RASGEF1C: variants seen among roughly 807,000 people sequenced by gnomAD.
RASGEF1C encodes the protein ras-GEF domain-containing family member 1C.
A neutral mutation model predicts 58.1 loss-of-function variants in RASGEF1C; 27 were observed. The observed-to-expected ratio is 0.46, with a 90% CI of 0.34 to 0.64. The LOEUF (loss-of-function observed/expected upper bound fraction) is 0.64. RASGEF1C is among the 30% of genes least tolerant of loss of function. RASGEF1C has a pLI of 0.01. For missense variants in RASGEF1C, 502 were observed against 605.1 expected (o/e 0.83, Z 1.79); for synonymous variants, 243 against 246.3 (o/e 0.99, Z 0.13).
rs1167212986 is a variant in RASGEF1C at position 180,101,472 on chromosome 5, G to A, written c.*29C>T. On this transcript the variant is annotated 3_prime_UTR_variant, in exon 14 of 14. Coordinates refer to ENST00000361132, the MANE Select transcript of RASGEF1C (RefSeq NM_175062.4). ...CTGTGGACGGCTTCTGCGGGCTCCA[G>A]CTCTTCCTCGTCCCTCAGCTCAGCG... 2 of 1,608,832 alleles carry A rather than the reference G, an allele frequency of 1.2e-6. No individual in the cohort carries two copies. Among genetic ancestry groups the A allele is most frequent in the Admixed American group, 1.7e-5 (1 of 59,976 alleles).
At chr5:180,182,177 C>A (rs924879650) in intron 1 of RASGEF1C, among the ~76,000 whole-genome samples, 3 of 125,924 alleles carry the variant, frequency 2.4e-5, no homozygotes, top group African/African-American at 9.9e-5. Flanking sequence ...TGAACTCCAG[C>A]CTGGGCAACA....
intron 10 of RASGEF1C, among the ~76,000 whole-genome samples, 196 bp downstream of exon 10, chr5:180,118,413 C>T (rs1025194224): frequency 2.0e-5 from 3 of 152,172 alleles, no homozygotes; most frequent in Non-Finnish European, 4.4e-5. Flanking sequence ...CACTTCCTGT[C>T]AGTCAGAGCT....
At chr5:180,114,398 CT>C in intron 11 of RASGEF1C, 47 bp downstream of exon 11, 2 of 1,584,546 alleles carry the variant, frequency 1.3e-6, no homozygotes, top group South Asian at 1.1e-5. Context: ...GCCCTGGGAA[CT>C]TTTCCCGGCC....
intron 12 of RASGEF1C, among the ~76,000 whole-genome samples, chr5:180,110,003 T>G (rs190186956): frequency 6.6e-6 from 1 of 152,336 alleles, no homozygotes; most frequent in Non-Finnish European, 1.5e-5. Context: ...TGTGTTGTTT[T>G]GAGCCACCAA....
intron 4 of RASGEF1C, among the ~76,000 whole-genome samples, chr5:180,131,560 C>T (rs1294812474): frequency 1.3e-5 from 2 of 152,316 alleles, no homozygotes; most frequent in East Asian, 3.9e-4. Context: ...CATCTCCTCT[C>T]CCTGGACCAC....
chr5:180,125,580 C>T (rs758995667), intron 6 of RASGEF1C, among the ~76,000 whole-genome samples: 1 of 152,036 alleles, frequency 6.6e-6, no homozygotes, highest in South Asian at 2.1e-4. Context: ...GTCGGGAGTT[C>T]GAGACCAGCC....
chr5:180,203,426 T>C (rs968120032), intron 1 of RASGEF1C, among the ~76,000 whole-genome samples: 1 of 150,756 alleles, frequency 6.6e-6, no homozygotes, highest in Non-Finnish European at 1.5e-5. Flanking sequence ...CAAGTTGAGG[T>C]TGGCCTCCAG....
intron 1 of RASGEF1C, among the ~76,000 whole-genome samples, chr5:180,174,606 GCA>G (rs1353316584): frequency 1.3e-5 from 1 of 75,558 alleles, no homozygotes; most frequent in Non-Finnish European, 2.9e-5. Flanking sequence ...GTGTGTGCAC[GCA>G]TGTGTGTGTC....
At chr5:180,190,360 G>A (rs1273015931) in intron 1 of RASGEF1C, among the ~76,000 whole-genome samples, 8 of 151,550 alleles carry the variant, frequency 5.3e-5, no homozygotes, top group African/African-American at 1.9e-4. Flanking sequence ...CGTGGTGGCG[G>A]GCGCCTGTAG....
chr5:180,111,879 G>T (rs879136277), intron 11 of RASGEF1C, among the ~76,000 whole-genome samples: 5 of 152,214 alleles, frequency 3.3e-5, no homozygotes, highest in Admixed American at 2.6e-4. Context: ...GTATATTTAA[G>T]TAAGACTTAA....
At chr5:180,125,553 C>T (rs546948191) in intron 6 of RASGEF1C, among the ~76,000 whole-genome samples, 99 of 152,252 alleles carry the variant, frequency 6.5e-4, no homozygotes, top group African/African-American at 2.2e-3. Context: ...GAGTCCAAGG[C>T]GGGTGGATCA....
intron 3 of RASGEF1C, chr5:180,136,812 G>A: frequency 2.3e-6 from 1 of 428,386 alleles, no homozygotes; most frequent in Non-Finnish European, 4.2e-6. Context: ...AGGGGACCCT[G>A]CCCCAGGGGT....
chr5:180,163,231 C>CATTTTTTTTTTT (rs1766971454), intron 1 of RASGEF1C, among the ~76,000 whole-genome samples: 1 of 19,458 alleles, frequency 5.1e-5, no homozygotes, highest in Non-Finnish European at 1.4e-4. Context: ...CACCCCCTCA[C>CATTTTTTTTTTT]TTTTTTTTTT....
intron 5 of RASGEF1C, 65 bp from the exon 6 acceptor site, chr5:180,127,748 G>A (rs984377736): frequency 3.4e-6 from 5 of 1,456,726 alleles, no homozygotes; most frequent in Non-Finnish European, 3.8e-6. Context: ...CCACTGGGGG[G>A]CCTGCCGTGG....
At chr5:180,167,860 A>G (rs1379590050) in intron 1 of RASGEF1C, among the ~76,000 whole-genome samples, 1 of 152,222 alleles carries the variant, frequency 6.6e-6, no homozygotes, top group Non-Finnish European at 1.5e-5. Context: ...GAATATTTAT[A>G]TTTTTGTTTT....
At chr5:180,127,244 C>G (rs1475562458) in intron 6 of RASGEF1C, among the ~76,000 whole-genome samples, 1 of 152,190 alleles carries the variant, frequency 6.6e-6, no homozygotes, top group Non-Finnish European at 1.5e-5. Context: ...CCCACCGAAA[C>G]GCACCGGGAA....
chr5:180,104,465 C>A (rs1285019695), intron 12 of RASGEF1C, among the ~76,000 whole-genome samples: 1 of 152,186 alleles, frequency 6.6e-6, no homozygotes, highest in Non-Finnish European at 1.5e-5. Context: ...CAGAATCTGC[C>A]TTGATCTTGG....
At chr5:180,104,582 A>C (rs1227964001) in intron 12 of RASGEF1C, among the ~76,000 whole-genome samples, 2 of 152,198 alleles carry the variant, frequency 1.3e-5, no homozygotes, top group Non-Finnish European at 2.9e-5. Context: ...CGGCAGCTCA[A>C]ACTGACTAAG....
At chr5:180,111,163 C>T (rs1295886057) in intron 12 of RASGEF1C, among the ~76,000 whole-genome samples, 1 of 152,122 alleles carries the variant, frequency 6.6e-6, no homozygotes, top group African/African-American at 2.4e-5. Context: ...GTGAGCCAGA[C>T]AGGTAGATGG....
Sources: gnomAD v4.1 joint callset for allele counts (sites outside exome capture counted in the v4.1 genomes callset) on GRCh38, gnomAD v4.1.1 for gene constraint, MANE v1.5 for transcripts, NCBI Gene and HGNC (gene_info 2026-07-23, HGNC 2026-07-21) for gene names.